The following ASXL1 variants were observed in gnomAD, a reference collection of about 807,000 sequenced individuals.
ASXL1 encodes ASXL transcriptional regulator 1, also known as polycomb group protein ASXL1.
Under a neutral mutation model 89.1 loss-of-function variants are expected in ASXL1, and 65 were observed. The observed-to-expected ratio is 0.73, with a 90% CI of 0.60 to 0.90. The LOEUF (loss-of-function observed/expected upper bound fraction) is 0.90. Among genes scored for constraint, ASXL1 ranks in the 40% least tolerant of loss-of-function variants. The pLI is 0.00. For missense variants in ASXL1, 1,786 were observed against 1,942.9 expected (o/e 0.92, Z 1.52); for synonymous variants, 739 against 746.9 (o/e 0.99, Z 0.17).
intron 4 of ASXL1, among the ~76,000 whole-genome samples, chr20:32,421,375 A>T (rs566002889): frequency 9.2e-5 from 14 of 152,292 alleles, no homozygotes; most frequent in African/African-American, 3.1e-4. Context: ...TCCCACTAGA[A>T]TGGCTAAAAT....
intron 4 of ASXL1, among the ~76,000 whole-genome samples, chr20:32,421,839 C>T (rs1324637432): frequency 2.0e-5 from 3 of 148,534 alleles, no homozygotes; most frequent in South Asian, 2.2e-4. Context: ...TGATTGCCTT[C>T]GTGGGGTGAG....
Position 32,438,910 on chromosome 20 carries a change from C to T in ASXL1, c.*1572C>T, listed in dbSNP as rs982503112. The T allele has an allele frequency of 2.6e-5, 6 of 233,394 alleles. No individual in the cohort carries two copies. Among genetic ancestry groups the T allele is most frequent in the Admixed American group, 5.6e-5 (1 of 17,776 alleles). The allele number at this position is 233,394 out of a possible 1,614,324, so 14.5% of individuals were successfully genotyped here. ...TGTGTGTTTTCCCTTGCCTTGTTTC[C>T]TGCCTTATATCTTGTATTTCGACTT... On this transcript the variant is annotated 3_prime_UTR_variant, in exon 13 of 13. Coordinates refer to ENST00000375687, the MANE Select transcript of ASXL1 (RefSeq NM_015338.6).
chr20:32,433,446 C>T lies in ASXL1; in HGVS notation c.1248C>T (p.Leu416=), dbSNP rs1370030998. 1.2e-6 allele frequency: 2 copies of T among 1,614,126 alleles called. No homozygotes were observed. The highest frequency in any genetic ancestry group is 1.7e-5 in the Admixed American group (1 of 60,008). ...TTAAGAAACGCTCTCGGCCAGATCT[C>T]CGAACCAGAGCCAGAAGGAATCTGT... The part of the protein sequence containing the change: ...GHFKKRSRPD[L]RTRARRNLYK... Residue 416 remains leucine (L), a synonymous_variant, in exon 12 of 13, where the codon CTC becomes CTT. Coordinates refer to ENST00000375687, the MANE Select transcript of ASXL1 (RefSeq NM_015338.6).
chr20:32,363,479 C>G (rs141321053), intron 1 of ASXL1, among the ~76,000 whole-genome samples: 1 of 152,124 alleles, frequency 6.6e-6, no homozygotes, highest in African/African-American at 2.4e-5. Flanking sequence ...GAAGAAGGTC[C>G]AGACGCAGGA....
At chr20:32,428,565 C>A in intron 6 of ASXL1, 143 bp downstream of exon 6, 1 of 726,266 alleles carries the variant, frequency 1.4e-6, no homozygotes, top group Non-Finnish European at 2.4e-6. Context: ...TAGCATTTAA[C>A]AGGGGGCCGC....
intron 4 of ASXL1, among the ~76,000 whole-genome samples, chr20:32,376,363 C>T (rs2122884122): frequency 6.6e-6 from 1 of 152,196 alleles, no homozygotes; most frequent in South Asian, 2.1e-4. Flanking sequence ...TAACCTCTGC[C>T]TCCCGGGTTG....
In ASXL1 at chr20:32,436,878, G is replaced by T; in HGVS notation, c.4166G>T (p.Gly1389Val). 1.2e-6 allele frequency: 2 copies of T among 1,614,172 alleles called. No homozygotes were observed. The highest frequency in any genetic ancestry group is 2.7e-5 in the African/African-American group (2 of 75,034). The change falls in exon 13 of 13, where the codon GGG (glycine) becomes GTG (valine). Residue 1389 changes from glycine (G) to valine (V), a missense_variant. Transcript: ENST00000375687. Reference sequence around the variant, plus strand: ...AATGCCGAGAACAGGAAAGCTACTGGGCATAGTCCCCTGGAACTGGTGGGT... The same window carrying T: ...AATGCCGAGAACAGGAAAGCTACTGTGCATAGTCCCCTGGAACTGGTGGGT... ...KANAENRKAT[G>V]HSPLELVGHL... is the part of the protein sequence containing the mutation.
At chr20:32,401,331 C>G (rs1309684014) in intron 4 of ASXL1, among the ~76,000 whole-genome samples, 1 of 152,172 alleles carries the variant, frequency 6.6e-6, no homozygotes, top group African/African-American at 2.4e-5. Flanking sequence ...ATCATGTCCT[C>G]CTTCCAGCCT....
At chr20:32,377,813 C>T (rs2048411757) in intron 4 of ASXL1, among the ~76,000 whole-genome samples, 1 of 151,742 alleles carries the variant, frequency 6.6e-6, no homozygotes, top group Non-Finnish European at 1.5e-5. Flanking sequence ...GCACCATGCC[C>T]GGCAAATTTT....
chr20:32,391,842 G>A (rs937339805), intron 4 of ASXL1, among the ~76,000 whole-genome samples: 7 of 152,088 alleles, frequency 4.6e-5, no homozygotes, highest in Non-Finnish European at 8.8e-5. Context: ...ACTTTTTTCT[G>A]AAATTTACTT....
chr20:32,368,369 T>G (rs983111685), intron 3 of ASXL1, among the ~76,000 whole-genome samples: 2 of 152,224 alleles, frequency 1.3e-5, no homozygotes, highest in Non-Finnish European at 2.9e-5. Flanking sequence ...TTTCAGTTTA[T>G]TTTTTAAGCA....
At chr20:32,385,546 GA>G (rs2048564934) in intron 4 of ASXL1, among the ~76,000 whole-genome samples, 1 of 151,922 alleles carries the variant, frequency 6.6e-6, no homozygotes, top group African/African-American at 2.4e-5. Context: ...CTTCTTTTTT[GA>G]AATACAGATG....
At chr20:32,394,850 A>C (rs905656562) in intron 4 of ASXL1, among the ~76,000 whole-genome samples, 2 of 151,722 alleles carry the variant, frequency 1.3e-5, no homozygotes, top group African/African-American at 4.9e-5. Flanking sequence ...AGTAGCTGGG[A>C]TTACAGGTGC....
chr20:32,426,560 T>C lies in ASXL1; in HGVS notation c.253-1568T>C, dbSNP rs990900394. Reference sequence around the variant, plus strand: ...TGTTTTCTTTTTTTTCTTTCTTTTTTTTTTTTTTTTTTTTTTTTGAGATGG... The same window carrying C: ...TGTTTTCTTTTTTTTCTTTCTTTTTCTTTTTTTTTTTTTTTTTTGAGATGG... On this transcript the variant is annotated intron_variant, in intron 4 of 12. Transcript: ENST00000375687. 8.8e-3 allele frequency among the ~76,000 whole-genome samples: 973 copies of C among 110,374 alleles called. 56 individuals are homozygous for C. Among genetic ancestry groups the C allele is most frequent in the Admixed American group, 0.068 (746 of 10,954 alleles). The allele number at this position is 110,374 out of a possible 152,430, so 72.4% of individuals were successfully genotyped here. A position where few individuals can be genotyped will look rare whatever the true frequency, so the allele number is the denominator to read the frequency against.
Position 32,436,150 on chromosome 20 carries a change from G to T in ASXL1, c.3438G>T (p.Ser1146=). 6.2e-7 allele frequency: 1 copy of T among 1,614,180 alleles called. No homozygotes were observed. Among genetic ancestry groups the T allele is most frequent in the South Asian group, 1.1e-5 (1 of 91,088 alleles). Residue 1146 remains serine (S), a synonymous_variant, in exon 13 of 13, where the codon TCG becomes TCT. Transcript: ENST00000375687. ...TTACAAAAGACCAGAGCCATGGCTC[G>T]CTACGCATGGGATCTTTACATGGTC... is the stretch of plus-strand genomic sequence containing the variant. ...VPLTKDQSHG[S]LRMGSLHGLG... is the part of the protein sequence containing the mutation.
chr20:32,360,023 C>T, intron 1 of ASXL1: 1 of 540,194 alleles, frequency 1.9e-6, no homozygotes, highest in South Asian at 2.4e-5. Context: ...ACTTAATTTT[C>T]TCTCTTATTT....
chr20:32,399,763 T>A (rs1270607014), intron 4 of ASXL1, among the ~76,000 whole-genome samples: 3 of 128,956 alleles, frequency 2.3e-5, no homozygotes, highest in Admixed American at 8.1e-5. Flanking sequence ...TTTTTTTTTT[T>A]TTTTTTTTTT....
Position 32,435,786 on chromosome 20 carries a change from AG to A in ASXL1, c.3077del (p.Gly1026AspfsTer21). On this transcript the variant is annotated frameshift_variant, in exon 13 of 13. Transcript: ENST00000375687. LOFTEE classifies it low-confidence loss of function (END_TRUNC). ...EADTREAAVT[K>X]GSSVDKDEKP... ...GACACTAGAGAAGCTGCAGTGACAAAGGGATCTTCGGTGGACAAGGATGAGA... is the reference window on the plus strand; with the variant it reads ...GACACTAGAGAAGCTGCAGTGACAAAGGATCTTCGGTGGACAAGGATGAGA... 1 of 1,614,240 alleles carries A rather than the reference AG, an allele frequency of 6.2e-7. No homozygotes were observed. The highest frequency in any genetic ancestry group is 8.5e-7 in the Non-Finnish European group (1 of 1,180,046).
chr20:32,367,450 T>G (rs1375257896), intron 2 of ASXL1, among the ~76,000 whole-genome samples: 1 of 152,196 alleles, frequency 6.6e-6, no homozygotes, highest in Non-Finnish European at 1.5e-5. Flanking sequence ...ACACAGTCCT[T>G]GCCTGGGACT....
Sources: allele counts gnomAD v4.1 joint callset (sites outside exome capture counted in the v4.1 genomes callset), GRCh38; gene constraint gnomAD v4.1.1; transcripts MANE v1.5; gene names NCBI Gene and HGNC (gene_info 2026-07-23, HGNC 2026-07-21).